Variants in CDH18 observed in about 807,000 individuals in gnomAD.
CDH18 encodes the protein cadherin 18, also known as cadherin-18.
A neutral mutation model predicts 67.9 loss-of-function variants in CDH18; 31 were observed. That is an observed-to-expected ratio of 0.46 (90% CI 0.34 to 0.62). CDH18 has a LOEUF of 0.62. CDH18 is among the 20% of genes least tolerant of loss of function. CDH18 has a pLI of 0.01. For missense variants in CDH18, 890 were observed against 975.5 expected (o/e 0.91, Z 1.17); for synonymous variants, 362 against 347.2 (o/e 1.04, Z -0.48).
chr5:19,928,648 G>C (rs1223190295), intron 2 of CDH18, among the ~76,000 whole-genome samples: 1 of 152,024 alleles, frequency 6.6e-6, no homozygotes, highest in Non-Finnish European at 1.5e-5. Flanking sequence ...ATGAACAATG[G>C]GCTAAGAGTA....
intron 1 of CDH18, among the ~76,000 whole-genome samples, chr5:19,985,130 C>G (rs1001504882): frequency 3.9e-5 from 6 of 152,010 alleles, no homozygotes; most frequent in Admixed American, 3.3e-4. Flanking sequence ...TTCCTTTTGT[C>G]CCAAAAATGT....
At chr5:20,212,194 A>T (rs190443501) in intron 2 of CDH18, among the ~76,000 whole-genome samples, 1 of 152,294 alleles carries the variant, frequency 6.6e-6, no homozygotes, top group African/African-American at 2.4e-5. Context: ...ATTGAAGATA[A>T]AATGAATGAA....
At chr5:20,387,574 G>A (rs971811038) in intron 1 of CDH18, among the ~76,000 whole-genome samples, 1 of 151,814 alleles carries the variant, frequency 6.6e-6, no homozygotes, top group East Asian at 1.9e-4. Flanking sequence ...TCTCCTGCCT[G>A]ATTTCCCTGG....
chr5:20,148,241 A>T (rs1750816408), intron 2 of CDH18, among the ~76,000 whole-genome samples: 1 of 151,714 alleles, frequency 6.6e-6, no homozygotes, highest in Admixed American at 6.6e-5. Flanking sequence ...ACAGACGCCC[A>T]TCACCATACC....
intron 1 of CDH18, among the ~76,000 whole-genome samples, chr5:20,533,666 A>C (rs1410623468): frequency 6.6e-6 from 1 of 152,028 alleles, no homozygotes; most frequent in African/African-American, 2.4e-5. Flanking sequence ...CATTTTCACA[A>C]TATTTGTAAG....
At chr5:19,960,551 GTGTGTGTGTA>G (rs200679765) in intron 2 of CDH18, among the ~76,000 whole-genome samples, 23 of 99,130 alleles carry the variant, frequency 2.3e-4, no homozygotes, top group African/African-American at 1.3e-3. Flanking sequence ...ATATACGTGT[GTGTGTGTGTA>G]TGTGTGTGTG....
At chr5:20,036,775 T>A (rs2150463174) in intron 2 of CDH18, among the ~76,000 whole-genome samples, 1 of 152,246 alleles carries the variant, frequency 6.6e-6, no homozygotes, top group African/African-American at 2.4e-5. Context: ...TATAAGAATT[T>A]GCTTTTTGAA....
At position 20,499,643 on chromosome 5, in the gene CDH18, G is replaced by T. The variant is rs566413862; in HGVS notation, c.-580+75819C>A. ...AATGCTCAGAGTCAGTGAAGGTGTTGTTCTTAATTGCAGTAAATTTAATAA... is the reference window on the plus strand; with the variant it reads ...AATGCTCAGAGTCAGTGAAGGTGTTTTTCTTAATTGCAGTAAATTTAATAA... On this transcript the variant is annotated intron_variant, in intron 1 of 14. Coordinates refer to the CDH18 transcript ENST00000507958. Among the ~76,000 whole-genome samples the T allele has an allele frequency of 4.6e-5, 7 of 152,206 alleles. No homozygotes were observed. The South Asian group carries it at 1.0e-3, about 23-fold the overall frequency.
intron 5 of CDH18, among the ~76,000 whole-genome samples, chr5:19,674,568 T>C (rs573335702): frequency 1.3e-5 from 2 of 152,248 alleles, no homozygotes; most frequent in Admixed American, 1.3e-4. Context: ...TAATGGTAAG[T>C]AGTCAATTGA....
intron 8 of CDH18, among the ~76,000 whole-genome samples, chr5:19,545,630 A>G (rs1736181745): frequency 6.6e-6 from 1 of 152,316 alleles, no homozygotes; most frequent in Admixed American, 6.5e-5. Flanking sequence ...GCATTAGTAA[A>G]GCAATTAAAT....
intron 5 of CDH18, among the ~76,000 whole-genome samples, chr5:19,689,931 T>A (rs1580884943): frequency 6.6e-6 from 1 of 151,620 alleles, no homozygotes; most frequent in South Asian, 2.1e-4. Flanking sequence ...AGATTTTCCA[T>A]ACAAATGGAA....
intron 3 of CDH18, among the ~76,000 whole-genome samples, chr5:19,792,103 A>G (rs1170164428): frequency 1.3e-5 from 2 of 152,174 alleles, no homozygotes; most frequent in Non-Finnish European, 2.9e-5. Flanking sequence ...GAAGGCCCAC[A>G]GAGCTGATAA....
At chr5:20,309,512 G>A (rs1235199845) in intron 1 of CDH18, among the ~76,000 whole-genome samples, 2 of 152,152 alleles carry the variant, frequency 1.3e-5, no homozygotes, top group African/African-American at 4.8e-5. Context: ...CATGTGACAT[G>A]ATAATTTAAT....
At chr5:19,511,547 G>A (rs1034854457) in intron 10 of CDH18, among the ~76,000 whole-genome samples, 9 of 152,114 alleles carry the variant, frequency 5.9e-5, no homozygotes, top group Admixed American at 1.3e-4. Flanking sequence ...GGCTGAGGAC[G>A]GAGATGAGGA....
At chr5:19,654,275 T>C (rs1256680596) in intron 5 of CDH18, among the ~76,000 whole-genome samples, 3 of 152,244 alleles carry the variant, frequency 2.0e-5, no homozygotes, top group African/African-American at 7.2e-5. Flanking sequence ...ACTTCTATAA[T>C]ACTCTTTTCC....
At chr5:20,443,250 A>T (rs2150194558) in intron 1 of CDH18, among the ~76,000 whole-genome samples, 1 of 150,692 alleles carries the variant, frequency 6.6e-6, no homozygotes. Flanking sequence ...TTTGCAAATA[A>T]GAGTGACTAA....
intron 3 of CDH18, among the ~76,000 whole-genome samples, chr5:19,790,460 G>A (rs1466736461): frequency 6.6e-6 from 1 of 152,114 alleles, no homozygotes; most frequent in Non-Finnish European, 1.5e-5. Flanking sequence ...GCATTTAAGC[G>A]ATTTAGAATC....
At chr5:19,504,512 T>C (rs1042874211) in intron 10 of CDH18, among the ~76,000 whole-genome samples, 10 of 152,188 alleles carry the variant, frequency 6.6e-5, no homozygotes, top group African/African-American at 2.4e-4. Flanking sequence ...TAATCAGATA[T>C]ATTGTAAAAA....
chr5:20,031,907 A>G (rs1216030589), intron 2 of CDH18, among the ~76,000 whole-genome samples: 2 of 152,008 alleles, frequency 1.3e-5, no homozygotes, highest in South Asian at 2.1e-4. Context: ...AGGCTCATCC[A>G]GTGCAAAGCA....
Sources: allele counts gnomAD v4.1 joint callset (sites outside exome capture counted in the v4.1 genomes callset), GRCh38; gene constraint gnomAD v4.1.1; transcripts MANE v1.5; gene names NCBI Gene and HGNC (gene_info 2026-07-23, HGNC 2026-07-21).